The following ERCC6L2 variants were observed in gnomAD, a reference collection of about 807,000 sequenced individuals.
The protein encoded by ERCC6L2 is ERCC excision repair 6 like 2.
In ERCC6L2, 77 loss-of-function variants were observed where a neutral mutation model predicts 132.0. The ratio of observed to expected loss-of-function variants is 0.58; its 90% CI spans 0.49 to 0.71. The LOEUF (loss-of-function observed/expected upper bound fraction) is 0.71, where lower values mean the gene tolerates loss of function less well. Ranked by LOEUF, ERCC6L2 falls within the 30% of genes least tolerant of loss-of-function variation. The pLI is 0.00. For synonymous variants in ERCC6L2, 583 were observed against 632.4 expected (o/e 0.92, Z 1.17); for missense variants, 1,542 against 1,837.6 (o/e 0.84, Z 2.94).
intron 3 of ERCC6L2, among the ~76,000 whole-genome samples, chr9:95,900,841 G>A (rs748966558): frequency 6.6e-6 from 1 of 152,104 alleles, no homozygotes; most frequent in Non-Finnish European, 1.5e-5. Flanking sequence ...TGAACAGTTG[G>A]ATCTGGAAAG....
chr9:95,994,117 T>C (rs2133167748), intron 17 of ERCC6L2, among the ~76,000 whole-genome samples: 1 of 152,292 alleles, frequency 6.6e-6, no homozygotes, highest in East Asian at 1.9e-4. Context: ...TAAGCAAAAA[T>C]CCCGAAATGT....
At chr9:95,926,146 A>G (rs550605685) in intron 9 of ERCC6L2, among the ~76,000 whole-genome samples, 19 of 152,320 alleles carry the variant, frequency 1.2e-4, no homozygotes, top group African/African-American at 4.3e-4. Context: ...GTGGGAATGC[A>G]AAATGGTATA....
chr9:95,918,233 T>G, intron 6 of ERCC6L2: 1 of 448,636 alleles, frequency 2.2e-6, no homozygotes, highest in Non-Finnish European at 4.4e-6. Context: ...GAGATTAAGG[T>G]CACCATTGCA....
chr9:95,972,435 T>C lies in ERCC6L2; in HGVS notation c.2684T>C (p.Val895Ala). 1 of 1,279,648 alleles carries C rather than the reference T, an allele frequency of 7.8e-7. No individual in the cohort carries two copies. The highest frequency in any genetic ancestry group is 1.5e-5 in the African/African-American group (1 of 65,212). The allele number at this position is 1,279,648 out of a possible 1,614,324, so 79.3% of individuals were successfully genotyped here. A position where few individuals can be genotyped will look rare whatever the true frequency, so the allele number is the denominator to read the frequency against. ...NTDKHCILQN[V>A]TESEDSDVIC... ...GATAAACATTGCATTTTACAGAATG[T>C]CACAGAATCAGAAGATAGTGATGTC... The change falls in exon 16 of 19, where the codon GTC (valine) becomes GCC (alanine). Residue 895 changes from valine (V) to alanine (A), a missense_variant. Val to Ala is a moderately conservative substitution (Grantham distance 64). This residue lies in a region of ERCC6L2 where 945 missense variants were observed against 1,105.2 expected (regional missense o/e 0.86). Transcript: ENST00000653738.
intron 9 of ERCC6L2, among the ~76,000 whole-genome samples, chr9:95,924,057 TA>T (rs1159181832): frequency 6.6e-6 from 1 of 152,244 alleles, no homozygotes; most frequent in Non-Finnish European, 1.5e-5. Flanking sequence ...AGAGTTTGTT[TA>T]ACCCCTTAGT....
At position 96,013,713 on chromosome 9, in the gene ERCC6L2, C is replaced by T. The variant is rs1480778640; in HGVS notation, c.*510C>T. The T allele has an allele frequency of 2.0e-5, 3 of 152,306 alleles. No individual in the cohort carries two copies. The highest frequency in any genetic ancestry group is 7.2e-5 in the African/African-American group (3 of 41,410). 9.4% of individuals were successfully genotyped at this position (152,306 alleles called of 1,614,324 possible). Reference sequence around the variant, plus strand: ...ATTAAGTATTTTCTTTTTCCCTGGGCATCATGTTCTATTATTATTTTAGAA... The same window carrying T: ...ATTAAGTATTTTCTTTTTCCCTGGGTATCATGTTCTATTATTATTTTAGAA... On this transcript the variant is annotated 3_prime_UTR_variant, in exon 19 of 19. Coordinates refer to ENST00000653738, the MANE Select transcript of ERCC6L2 (RefSeq NM_020207.7).
At chr9:96,028,196 C>T (rs1460106961) in intron 19 of ERCC6L2, among the ~76,000 whole-genome samples, 1 of 152,154 alleles carries the variant, frequency 6.6e-6, no homozygotes, top group Non-Finnish European at 1.5e-5. Context: ...AAAAAAGTCC[C>T]TATCTGTGCA....
chr9:95,981,550 T>G (rs1384823782), intron 17 of ERCC6L2, among the ~76,000 whole-genome samples: 1 of 152,222 alleles, frequency 6.6e-6, no homozygotes, highest in African/African-American at 2.4e-5. Flanking sequence ...AATTGTATTT[T>G]GATATTTTAG....
intron 2 of ERCC6L2, among the ~76,000 whole-genome samples, chr9:95,895,145 T>G (rs1828384703): frequency 6.6e-6 from 1 of 152,202 alleles, no homozygotes; most frequent in Non-Finnish European, 1.5e-5. Flanking sequence ...TTCTTAAAAT[T>G]TCCAAGTGAA....
rs146871304 is a variant in ERCC6L2 at position 95,898,770 on chromosome 9, G to A, written c.594+799G>A. Among the ~76,000 whole-genome samples the A allele has an allele frequency of 2.8e-3, 426 of 152,230 alleles. 2 individuals carry two copies. The highest frequency in any genetic ancestry group is 9.9e-3 in the African/African-American group (410 of 41,542). On this transcript the variant is annotated intron_variant, in intron 3 of 18. Coordinates refer to ENST00000653738, the MANE Select transcript of ERCC6L2 (RefSeq NM_020207.7). ...TTTTAAAACAGACTCTTTTATACAA[G>A]TCTTATGTACAAGATTGCTGAGAAG...
intron 6 of ERCC6L2, 31 bp downstream of exon 6, chr9:95,916,465 T>A (rs1829596323): frequency 1.4e-6 from 2 of 1,439,876 alleles, no homozygotes; most frequent in Non-Finnish European, 9.2e-7. Flanking sequence ...TATTATTAAT[T>A]TGTGGTCATA....
chr9:95,915,595 C>T (rs1360423108), intron 4 of ERCC6L2, 73 bp from the exon 5 acceptor site: 1 of 1,411,924 alleles, frequency 7.1e-7, no homozygotes, highest in East Asian at 2.3e-5. Context: ...ATAGAGAAAG[C>T]TACTGTCTAA....
intron 18 of ERCC6L2, among the ~76,000 whole-genome samples, chr9:96,008,240 T>A (rs1165909309): frequency 2.0e-5 from 3 of 152,178 alleles, no homozygotes; most frequent in African/African-American, 7.2e-5. Flanking sequence ...TGGGCTTCAA[T>A]GTCAGTGCAA....
At position 95,953,506 on chromosome 9, in the gene ERCC6L2, C is replaced by T. The variant is rs76883608; in HGVS notation, c.1848-2408C>T. The stretch of plus-strand genomic sequence containing the variant: ...CAGGAGAATGGTGTGAACCAGGAGG[C>T]GGAGCTTGCAGTGAGCCTAGATTGA... On this transcript the variant is annotated intron_variant, in intron 12 of 18. Transcript: ENST00000653738. 7.4e-5 allele frequency among the ~76,000 whole-genome samples: 11 copies of T among 148,700 alleles called. No homozygotes were observed. The East Asian group carries it at 2.0e-3, about 27-fold the overall frequency.
intron 11 of ERCC6L2, among the ~76,000 whole-genome samples, chr9:95,930,759 T>C (rs1272853024): frequency 6.6e-6 from 1 of 152,198 alleles, no homozygotes; most frequent in East Asian, 1.9e-4. Context: ...TGCCGCCATG[T>C]TTTACTGGAA....
intron 17 of ERCC6L2, among the ~76,000 whole-genome samples, chr9:95,999,344 G>A (rs1833577596): frequency 1.3e-5 from 2 of 149,808 alleles, no homozygotes; most frequent in South Asian, 4.2e-4. Flanking sequence ...CTGGGCGAGA[G>A]AGTGAGACTC....
Position 95,913,089 on chromosome 9 carries a change from A to G in ERCC6L2, c.789-2579A>G, listed in dbSNP as rs567336800. On this transcript the variant is annotated intron_variant, in intron 4 of 18. Transcript: ENST00000653738. Reference sequence around the variant, plus strand: ...AAGATATGTTTCTCCCTTTGTAATGATCAAATAATCTGTGGAGTGATACTT... The same window carrying G: ...AAGATATGTTTCTCCCTTTGTAATGGTCAAATAATCTGTGGAGTGATACTT... Among the ~76,000 whole-genome samples, 8 of 152,300 alleles carry G rather than the reference A, an allele frequency of 5.3e-5. No individual in the cohort carries two copies. The East Asian group carries it at 1.5e-3, about 29-fold the overall frequency.
In ERCC6L2 at chr9:95,972,411, A is replaced by T; in HGVS notation, c.2660A>T (p.Asp887Val). Reference sequence around the variant, plus strand: ...GACGAGAAAAAAATTAAAAATACAGATAAACATTGCATTTTACAGAATGTC... The same window carrying T: ...GACGAGAAAAAAATTAAAAATACAGTTAAACATTGCATTTTACAGAATGTC... ...KSDEKKIKNT[D>V]KHCILQNVTE... The change falls in exon 16 of 19, where the codon GAT (aspartate) becomes GTT (valine). Residue 887 changes from aspartate to valine, a missense_variant. Transcript: ENST00000653738. 7.8e-7 allele frequency: 1 copy of T among 1,277,710 alleles called. No homozygotes were observed. Among genetic ancestry groups the T allele is most frequent in the Non-Finnish European group, 1.0e-6 (1 of 984,956 alleles). 79.1% of individuals were successfully genotyped at this position (1,277,710 alleles called of 1,614,324 possible). A position where few individuals can be genotyped will look rare whatever the true frequency, so the allele number is the denominator to read the frequency against.
At chr9:95,888,056 C>T (rs1827966179) in intron 2 of ERCC6L2, among the ~76,000 whole-genome samples, 1 of 142,398 alleles carries the variant, frequency 7.0e-6, no homozygotes, top group Non-Finnish European at 1.5e-5. Context: ...CATTTCAAAA[C>T]AGCACTTTGT....
Sources: gnomAD v4.1 joint callset for allele counts (sites outside exome capture counted in the v4.1 genomes callset) on GRCh38, gnomAD v4.1.1 for gene constraint, gnomAD v4.1.1 regional missense constraint, MANE v1.5 for transcripts, NCBI Gene and HGNC (gene_info 2026-07-23, HGNC 2026-07-21) for gene names.